SLC7A8: variants seen among roughly 807,000 people sequenced by gnomAD.
SLC7A8 encodes large neutral amino acids transporter small subunit 2.
A neutral mutation model predicts 51.2 loss-of-function variants in SLC7A8; 30 were observed. That is an observed-to-expected ratio of 0.59 (90% CI 0.44 to 0.80). The LOEUF is 0.80. Among genes scored for constraint, SLC7A8 ranks in the 30% least tolerant of loss-of-function variants. SLC7A8 has a pLI of 0.00. For synonymous variants in SLC7A8, 257 were observed against 275.8 expected (o/e 0.93, Z 0.67); for missense variants, 612 against 674.4 (o/e 0.91, Z 1.03).
At chr14:23,137,394 C>G (rs1301193668) in intron 7 of SLC7A8, among the ~76,000 whole-genome samples, 1 of 152,192 alleles carries the variant, frequency 6.6e-6, no homozygotes, top group Non-Finnish European at 1.5e-5. Context: ...CTCTGTTGAG[C>G]AGGGAGGAGC....
At chr14:23,156,360 GC>G (rs769644492) in intron 3 of SLC7A8, 10 of 152,216 alleles carry the variant, frequency 6.6e-5, no homozygotes, top group Admixed American at 6.5e-5. Flanking sequence ...ATGGGGCCAT[GC>G]TAATCTTCTC....
intron 1 of SLC7A8, among the ~76,000 whole-genome samples, chr14:23,172,877 T>C (rs910563477): frequency 6.6e-6 from 1 of 152,178 alleles, no homozygotes; most frequent in African/African-American, 2.4e-5. Context: ...TACTTTTGGT[T>C]AAGCTCTAAT....
intron 7 of SLC7A8, among the ~76,000 whole-genome samples, chr14:23,135,431 G>A (rs938455792): frequency 1.7e-4 from 26 of 151,564 alleles, no homozygotes; most frequent in Non-Finnish European, 2.7e-4. Context: ...GGCCAGGTGC[G>A]GTGGCTCACG....
chr14:23,151,012 G>A (rs760657110), intron 3 of SLC7A8, among the ~76,000 whole-genome samples: 6 of 152,162 alleles, frequency 3.9e-5, no homozygotes, highest in African/African-American at 9.7e-5. Context: ...ACATATTCCC[G>A]TGCCTCAGTT....
In SLC7A8 at chr14:23,131,854, C is replaced by T. The variant is rs116593305; in HGVS notation, c.1017-297G>A. Among the ~76,000 whole-genome samples the T allele has an allele frequency of 2.2e-3, 332 of 152,320 alleles. 2 individuals are homozygous for T. The highest frequency in any genetic ancestry group is 7.7e-3 in the African/African-American group (321 of 41,576). ...TGTACTGTCACTCAGTGGGGTGTTCCCAATGCCTGGAAGGCTGCAGGAGCA... is the reference window on the plus strand; with the variant it reads ...TGTACTGTCACTCAGTGGGGTGTTCTCAATGCCTGGAAGGCTGCAGGAGCA... On this transcript the variant is annotated intron_variant, in intron 7 of 10. Transcript: ENST00000316902.
chr14:23,169,913 T>C (rs1035485213), intron 1 of SLC7A8, among the ~76,000 whole-genome samples: 2 of 152,210 alleles, frequency 1.3e-5, no homozygotes, highest in African/African-American at 2.4e-5. Flanking sequence ...TTTTCCCTGA[T>C]AATAAAAGGT....
intron 3 of SLC7A8, chr14:23,155,232 T>C: frequency 6.5e-7 from 1 of 1,535,938 alleles, no homozygotes; most frequent in Non-Finnish European, 8.7e-7. Context: ...CGGAAGGGCC[T>C]CTCTCTTCCA....
rs57814296 is a variant in SLC7A8 at position 23,161,925 on chromosome 14, T to TCAAAAAAAAAAAAAAA, written c.508+3359_508+3360insTTTTTTTTTTTTTTTG. On this transcript the variant is annotated intron_variant, in intron 3 of 10. Coordinates refer to ENST00000316902, the MANE Select transcript of SLC7A8 (RefSeq NM_012244.4). ...CTGGGTGACAGAGTGAGACTCCATC[T>TCAAAAAAAAAAAAAAA]AAAAAAAAAAAAAAAAAAAGCATCT... Among the ~76,000 whole-genome samples the TCAAAAAAAAAAAAAAA allele has an allele frequency of 1.9e-5, 2 of 107,186 alleles. 1 individual carries two copies. Among genetic ancestry groups the TCAAAAAAAAAAAAAAA allele is most frequent in the Non-Finnish European group, 3.7e-5 (2 of 54,514 alleles). The allele number at this position is 107,186 out of a possible 152,430, so 70.3% of individuals were successfully genotyped here. A position where few individuals can be genotyped will look rare whatever the true frequency, so the allele number is the denominator to read the frequency against.
At position 23,182,858 on chromosome 14, in the gene SLC7A8, GC is replaced by G. The variant is rs1877246087; in HGVS notation, c.56del (p.Gly19AlafsTer16). On this transcript the variant is annotated frameshift_variant, in exon 1 of 11. Transcript: ENST00000316902. LOFTEE classifies it high-confidence loss of function. ...CAGCCTCGGGGCTGGCGTCCGACTC[GC>G]CCCCACCTGGGTGTTTCTTTTCGGT... is the stretch of plus-strand genomic sequence containing the variant. ...NNTEKKHPGG[G>X]ESDASPEAGS... 2 of 1,613,964 alleles carry G rather than the reference GC, an allele frequency of 1.2e-6. No individual in the cohort carries two copies. Among genetic ancestry groups the G allele is most frequent in the Non-Finnish European group, 1.7e-6 (2 of 1,179,954 alleles).
At position 23,137,904 on chromosome 14, in the gene SLC7A8, G is replaced by A. The variant is rs2048705501; in HGVS notation, c.1016+17C>T. 6.2e-7 allele frequency: 1 copy of A among 1,611,780 alleles called. No individual in the cohort carries two copies. The highest frequency in any genetic ancestry group is 1.1e-5 in the South Asian group (1 of 91,024). On this transcript the variant is annotated intron_variant, in intron 7 of 10. Transcript: ENST00000316902. ...CAGAGTGGCCCCTGGCCGGGGAAGG[G>A]CCCAGGCAGCACTCACCGAGAGGAG...
intron 3 of SLC7A8, among the ~76,000 whole-genome samples, chr14:23,148,470 C>T (rs2048818116): frequency 1.3e-5 from 2 of 152,134 alleles, no homozygotes; most frequent in Admixed American, 1.3e-4. Flanking sequence ...TCAGGTGATC[C>T]ACCCACCTCG....
chr14:23,166,531 A>T lies in SLC7A8; in HGVS notation c.161T>A (p.Ile54Asn). ...SACGIIVGNI[I>N]GSGIFVSPKG... ...TGGCGAGACAAAGATTCCAGAGCCG[A>T]TGATGTTCCCTGCATGAGGCACCAA... Residue 54 changes from isoleucine to asparagine, a missense_variant, in exon 2 of 11, where the codon ATC (isoleucine) becomes AAC (asparagine). Ile to Asn is a moderately radical substitution (Grantham distance 149, BLOSUM62 -3). Transcript: ENST00000316902. 6.2e-7 allele frequency: 1 copy of T among 1,613,992 alleles called. No individual in the cohort carries two copies. The highest frequency in any genetic ancestry group is 8.5e-7 in the Non-Finnish European group (1 of 1,179,922).
chr14:23,162,449 A>G (rs941039836), intron 3 of SLC7A8, among the ~76,000 whole-genome samples: 2 of 152,258 alleles, frequency 1.3e-5, no homozygotes, highest in Non-Finnish European at 2.9e-5. Flanking sequence ...GCTACTGTTA[A>G]GTTGGAGATA....
chr14:23,169,453 C>T (rs1009756642), intron 1 of SLC7A8, among the ~76,000 whole-genome samples: 6 of 152,224 alleles, frequency 3.9e-5, no homozygotes, highest in Admixed American at 1.3e-4. Flanking sequence ...GTCGCCCAGG[C>T]TGGAGTGCAG....
At chr14:23,144,266 G>A (rs1009861515) in intron 3 of SLC7A8, among the ~76,000 whole-genome samples, 18 of 150,958 alleles carry the variant, frequency 1.2e-4, no homozygotes, top group Non-Finnish European at 1.9e-4. Flanking sequence ...GTCTCATTTT[G>A]CATTCCTACT....
intron 1 of SLC7A8, among the ~76,000 whole-genome samples, chr14:23,179,773 G>T (rs1365800115): frequency 6.6e-6 from 1 of 152,004 alleles, no homozygotes; most frequent in East Asian, 1.9e-4. Flanking sequence ...GCACGCCACA[G>T]CACTCCAGCC....
At chr14:23,158,660 T>C (rs990821734) in intron 3 of SLC7A8, among the ~76,000 whole-genome samples, 1 of 152,238 alleles carries the variant, frequency 6.6e-6, no homozygotes, top group Admixed American at 6.5e-5. Flanking sequence ...GAACACATTC[T>C]AACTGCTTGT....
Position 23,165,206 on chromosome 14 carries a change from A to G in SLC7A8, c.508+79T>C, listed in dbSNP as rs2048943014. On this transcript the variant is annotated intron_variant, in intron 3 of 10. Coordinates refer to ENST00000316902, the MANE Select transcript of SLC7A8 (RefSeq NM_012244.4). The surrounding 1 kb of genome is among the most constrained non-coding windows in gnomAD (Gnocchi z 4.2). Reference sequence around the variant, plus strand: ...GCGCTCCAGCCTGAGTGACAGAGTGAAGACTCTGTTTCTAAAAATAATAAT... The same window carrying G: ...GCGCTCCAGCCTGAGTGACAGAGTGGAGACTCTGTTTCTAAAAATAATAAT... 4 of 1,352,626 alleles carry G rather than the reference A, an allele frequency of 3.0e-6. No individual in the cohort carries two copies. Among genetic ancestry groups the G allele is most frequent in the Non-Finnish European group, 3.9e-6 (4 of 1,023,866 alleles). The allele number at this position is 1,352,626 out of a possible 1,614,324, so 83.8% of individuals were successfully genotyped here. A position where few individuals can be genotyped will look rare whatever the true frequency, so the allele number is the denominator to read the frequency against.
chr14:23,154,478 G>A, intron 3 of SLC7A8: 13 of 986,118 alleles, frequency 1.3e-5, no homozygotes, highest in Non-Finnish European at 1.6e-5. Flanking sequence ...GCTGCACCGA[G>A]TTCCTTGGCC....
Sources: gnomAD v4.1 joint callset for allele counts (sites outside exome capture counted in the v4.1 genomes callset) on GRCh38, gnomAD v4.1.1 for gene constraint, Gnocchi (gnomAD v3.1) non-coding constraint, MANE v1.5 for transcripts, NCBI Gene and HGNC (gene_info 2026-07-23, HGNC 2026-07-21) for gene names.